SNTB1: variants seen among roughly 807,000 people sequenced by gnomAD.
The protein encoded by SNTB1 is beta-1-syntrophin.
A neutral mutation model predicts 48.9 loss-of-function variants in SNTB1; 36 were observed. That is an observed-to-expected ratio of 0.74 (90% confidence interval 0.56 to 0.97). The LOEUF is 0.97. SNTB1 is among the 50% of genes least tolerant of loss of function. The probability of loss-of-function intolerance (pLI) is 0.00; values close to 1 mark genes in which losing one functional copy is unlikely to be tolerated. For synonymous variants in SNTB1, 299 were observed against 294.6 expected (o/e 1.01, Z -0.15); for missense variants, 786 against 703.4 (o/e 1.12, Z -1.33).
intron 1 of SNTB1, among the ~76,000 whole-genome samples, chr8:120,786,692 G>A (rs1819928142): frequency 1.3e-5 from 2 of 152,200 alleles, no homozygotes; most frequent in South Asian, 2.1e-4. Context: ...CAGGTCAAGA[G>A]TGTGACTGGA....
At chr8:120,615,057 A>G (rs1816690466) in intron 3 of SNTB1, among the ~76,000 whole-genome samples, 1 of 151,686 alleles carries the variant, frequency 6.6e-6, no homozygotes, top group Non-Finnish European at 1.5e-5. Flanking sequence ...AGGCTAAGGC[A>G]GGGGAATCAC....
intron 3 of SNTB1, among the ~76,000 whole-genome samples, chr8:120,611,563 C>T (rs1816622215): frequency 6.6e-6 from 1 of 151,664 alleles, no homozygotes; most frequent in African/African-American, 2.4e-5. Context: ...GTAGCTCACG[C>T]CTGTAATCCC....
intron 1 of SNTB1, among the ~76,000 whole-genome samples, chr8:120,772,570 G>A (rs986084098): frequency 6.6e-5 from 10 of 152,170 alleles, no homozygotes; most frequent in African/African-American, 1.9e-4. Flanking sequence ...TAAAATGTGT[G>A]TGTGTTTGTG....
At chr8:120,619,219 G>C (rs1816757570) in intron 3 of SNTB1, among the ~76,000 whole-genome samples, 1 of 151,714 alleles carries the variant, frequency 6.6e-6, no homozygotes, top group Non-Finnish European at 1.5e-5. Flanking sequence ...ACTTTAGAAA[G>C]GTGTTCTTAT....
At chr8:120,793,263 T>C (rs1289787587) in intron 1 of SNTB1, among the ~76,000 whole-genome samples, 1 of 151,940 alleles carries the variant, frequency 6.6e-6, no homozygotes, top group Non-Finnish European at 1.5e-5. Flanking sequence ...CCAAATACTT[T>C]CAAAGAACAA....
intron 3 of SNTB1, among the ~76,000 whole-genome samples, chr8:120,580,291 C>T (rs576613858): frequency 9.8e-5 from 15 of 152,286 alleles, no homozygotes; most frequent in Admixed American, 3.9e-4. Flanking sequence ...TCTTTAGAGC[C>T]GAACAGCATG....
intron 3 of SNTB1, among the ~76,000 whole-genome samples, chr8:120,621,124 T>C (rs1816788281): frequency 6.6e-6 from 1 of 151,634 alleles, no homozygotes; most frequent in South Asian, 2.1e-4. Flanking sequence ...CATGCCCGGC[T>C]AATTTTTGTA....
chr8:120,579,809 G>A (rs1211263995), intron 3 of SNTB1, among the ~76,000 whole-genome samples: 1 of 152,176 alleles, frequency 6.6e-6, no homozygotes, highest in African/African-American at 2.4e-5. Context: ...GAATGATACT[G>A]TTGTCACTTA....
chr8:120,579,184 AC>A (rs1816001642), intron 3 of SNTB1, among the ~76,000 whole-genome samples: 2 of 57,188 alleles, frequency 3.5e-5, no homozygotes, highest in African/African-American at 9.3e-5. Flanking sequence ...CTCAAAACAA[AC>A]AAACAAACAA....
Position 120,595,104 on chromosome 8 carries a change from C to T in SNTB1, c.997-19879G>A, listed in dbSNP as rs553478966. 1.4e-4 allele frequency among the ~76,000 whole-genome samples: 21 copies of T among 152,128 alleles called. No homozygotes were observed. The East Asian group carries it at 3.7e-3, about 27-fold the overall frequency. ...TCCTTGAGGCTTGACTGCACAGGTT[C>T]CTGGGCTACATCGCTGTGCTTTGTC... is the stretch of plus-strand genomic sequence containing the variant. On this transcript the variant is annotated intron_variant, in intron 3 of 6. Transcript: ENST00000517992.
intron 3 of SNTB1, among the ~76,000 whole-genome samples, chr8:120,621,601 C>T (rs375890187): frequency 3.5e-4 from 54 of 152,212 alleles, no homozygotes; most frequent in Admixed American, 1.6e-3. Context: ...CAATTACTTT[C>T]GCATCAACAC....
At chr8:120,654,036 C>CAT (rs1817455091) in intron 2 of SNTB1, among the ~76,000 whole-genome samples, 1 of 15,536 alleles carries the variant, frequency 6.4e-5, no homozygotes. Flanking sequence ...CGAGACTCTG[C>CAT]CTCAAAAAAA....
At position 120,740,615 on chromosome 8, in the gene SNTB1, A is replaced by T. The variant is rs537112858; in HGVS notation, c.572-46707T>A. Among the ~76,000 whole-genome samples the T allele has an allele frequency of 2.5e-4, 38 of 152,308 alleles. No individual in the cohort carries two copies. In the South Asian group the frequency reaches 7.9e-3, roughly 32 times the overall value. Reference sequence around the variant, plus strand: ...TGGGTAATTAAGCCTTATGTTAAGCAGCTCCAGGCATTCCACAACAGTCTC... The same window carrying T: ...TGGGTAATTAAGCCTTATGTTAAGCTGCTCCAGGCATTCCACAACAGTCTC... On this transcript the variant is annotated intron_variant, in intron 1 of 6. Coordinates refer to ENST00000517992, the MANE Select transcript of SNTB1 (RefSeq NM_021021.4).
chr8:120,634,542 G>A (rs1373720661), intron 2 of SNTB1, among the ~76,000 whole-genome samples: 1 of 152,070 alleles, frequency 6.6e-6, no homozygotes, highest in Non-Finnish European at 1.5e-5. Context: ...ACTATACCAC[G>A]ATGCCTCTCC....
Position 120,756,204 on chromosome 8 carries a change from T to G in SNTB1, c.571+55069A>C, listed in dbSNP as rs1185499369. Among the ~76,000 whole-genome samples the G allele has an allele frequency of 2.6e-5, 4 of 152,314 alleles. No homozygotes were observed. In the East Asian group the frequency reaches 7.7e-4, roughly 29 times the overall value. On this transcript the variant is annotated intron_variant, in intron 1 of 6. Coordinates refer to ENST00000517992, the MANE Select transcript of SNTB1 (RefSeq NM_021021.4). The stretch of plus-strand genomic sequence containing the variant: ...TATTTGTTTTAATTTTTAATACACT[T>G]AATACAACTGACATTAAAGCATCTA...
At chr8:120,603,109 T>C (rs1322760598) in intron 3 of SNTB1, among the ~76,000 whole-genome samples, 2 of 152,096 alleles carry the variant, frequency 1.3e-5, no homozygotes, top group Non-Finnish European at 2.9e-5. Flanking sequence ...ATTTTTTTTT[T>C]TTTCTTTTTT....
chr8:120,647,246 A>G (rs9720746), intron 2 of SNTB1, among the ~76,000 whole-genome samples: 2 of 107,166 alleles, frequency 1.9e-5, no homozygotes, highest in Admixed American at 9.8e-5. Context: ...TAGTTCTTCT[A>G]ATTGTGATGT....
At chr8:120,606,267 A>G (rs1412404495) in intron 3 of SNTB1, among the ~76,000 whole-genome samples, 2 of 147,624 alleles carry the variant, frequency 1.4e-5, no homozygotes, top group Non-Finnish European at 3.0e-5. Context: ...TATTTATAAC[A>G]TAATTATATA....
intron 3 of SNTB1, among the ~76,000 whole-genome samples, chr8:120,597,050 A>T (rs1258240201): frequency 2.0e-5 from 3 of 152,180 alleles, no homozygotes. Flanking sequence ...GACTAGCCTG[A>T]GTTATCTGGA....
Sources: allele counts gnomAD v4.1 joint callset (sites outside exome capture counted in the v4.1 genomes callset), GRCh38; gene constraint gnomAD v4.1.1; transcripts MANE v1.5; gene names NCBI Gene and HGNC (gene_info 2026-07-23, HGNC 2026-07-21).